LMTK2: variants seen among roughly 807,000 people sequenced by gnomAD.
LMTK2 encodes serine/threonine-protein kinase LMTK2.
A neutral mutation model predicts 127.5 loss-of-function variants in LMTK2; 37 were observed. That is an observed-to-expected ratio of 0.29 (90% CI 0.22 to 0.38). The LOEUF is 0.38. Ranked by LOEUF, LMTK2 falls within the 10% of genes least tolerant of loss-of-function variation. The probability of loss-of-function intolerance (pLI) is 1.00; values close to 1 mark genes in which losing one functional copy is unlikely to be tolerated. For synonymous variants in LMTK2, 819 were observed against 810.1 expected, an observed-to-expected ratio of 1.01 and a Z score of -0.19; for missense variants, 1,694 against 1,920.3, an observed-to-expected ratio of 0.88 and a Z score of 2.20.
chr7:98,154,969 A>G (rs539517479), intron 5 of LMTK2, 93 bp downstream of exon 5: 7 of 730,356 alleles, frequency 9.6e-6, no homozygotes, highest in African/African-American at 5.3e-5. Context: ...TGCCTGTAAC[A>G]TACATGATTA....
chr7:98,184,368 T>C lies in LMTK2; in HGVS notation c.792-683T>C, dbSNP rs149127863. On this transcript the variant is annotated intron_variant, in intron 7 of 13. Transcript: ENST00000297293. Reference sequence around the variant, plus strand: ...TCCTGGTGCTGGCTGTGACCACTTATCATTTTAGAGAGACAGTTTAACAAC... The same window carrying C: ...TCCTGGTGCTGGCTGTGACCACTTACCATTTTAGAGAGACAGTTTAACAAC... Among the ~76,000 whole-genome samples the C allele has an allele frequency of 4.4e-3, 677 of 152,216 alleles. 2 individuals carry two copies. Among genetic ancestry groups the C allele is most frequent in the Non-Finnish European group, 6.6e-3 (450 of 68,020 alleles).
At chr7:98,119,046 A>G (rs977690821) in intron 1 of LMTK2, among the ~76,000 whole-genome samples, 2 of 148,688 alleles carry the variant, frequency 1.3e-5, no homozygotes, top group Non-Finnish European at 3.0e-5. Context: ...GAACCAAGAT[A>G]GTGCCACTGC....
Position 98,192,142 on chromosome 7 carries a change from T to C in LMTK2, c.1677T>C (p.Ser559=). ...SDYYIQLEEK[S]GSNLELDYPP... ...ATTATATCCAGTTAGAAGAAAAAAG[T>C]GGTAGTAACTTGGAGCTTGATTACC... Residue 559 remains serine, a synonymous_variant, in exon 11 of 14, where the codon AGT becomes AGC. Transcript: ENST00000297293. 1.3e-6 allele frequency: 2 copies of C among 1,530,768 alleles called. No homozygotes were observed. The highest frequency in any genetic ancestry group is 1.8e-6 in the Non-Finnish European group (2 of 1,142,454). 94.8% of individuals were successfully genotyped at this position (1,530,768 alleles called of 1,614,324 possible). A position where few individuals can be genotyped will look rare whatever the true frequency, so the allele number is the denominator to read the frequency against.
intron 6 of LMTK2, among the ~76,000 whole-genome samples, chr7:98,164,439 G>C (rs1181420065): frequency 6.6e-6 from 1 of 152,128 alleles, no homozygotes; most frequent in African/African-American, 2.4e-5. Flanking sequence ...TTATCACCTT[G>C]GAAAATCCCT....
intron 9 of LMTK2, among the ~76,000 whole-genome samples, chr7:98,189,159 G>A (rs1332686952): frequency 6.6e-6 from 1 of 152,088 alleles, no homozygotes; most frequent in Non-Finnish European, 1.5e-5. Context: ...AGGACCCCAG[G>A]CGACCCCAGT....
chr7:98,125,372 C>G (rs1796430325), intron 1 of LMTK2, among the ~76,000 whole-genome samples: 1 of 151,802 alleles, frequency 6.6e-6, no homozygotes. Flanking sequence ...TCTGACGTAT[C>G]ATATATTTAC....
chr7:98,112,736 G>A (rs1399152315), intron 1 of LMTK2, among the ~76,000 whole-genome samples: 1 of 152,220 alleles, frequency 6.6e-6, no homozygotes, highest in Non-Finnish European at 1.5e-5. Context: ...TTACAAGGGT[G>A]AGGGAAGTGA....
At chr7:98,169,088 T>G (rs961103904) in intron 6 of LMTK2, among the ~76,000 whole-genome samples, 4 of 152,206 alleles carry the variant, frequency 2.6e-5, no homozygotes, top group Admixed American at 6.5e-5. Flanking sequence ...GTTGATTTTT[T>G]CTTTTAAACT....
rs6971013 is a variant in LMTK2, at chr7:98,204,185, C to T, written c.4482C>T (p.Gly1494=). The T allele has an allele frequency of 4.0e-5, 64 of 1,603,586 alleles. No homozygotes were observed. The highest frequency in any genetic ancestry group is 1.3e-5 in the Non-Finnish European group (15 of 1,179,514). Residue 1494 remains glycine (G), a splice_region_variant and synonymous_variant, in exon 13 of 14, where the codon GGC becomes GGT. Transcript: ENST00000297293. The part of the protein sequence containing the change: ...THLTDSDIEQ[G]GSSEDGEKD ...TGACCGACTCGGACATCGAGCAGGGCGGTGAGAGGCGCTGCGTGCTGGGGA... is the reference window on the plus strand; with the variant it reads ...TGACCGACTCGGACATCGAGCAGGGTGGTGAGAGGCGCTGCGTGCTGGGGA...
rs1562920648 is a variant in LMTK2 at position 98,192,266 on chromosome 7, A to G, written c.1801A>G (p.Ser601Gly). The stretch of plus-strand genomic sequence containing the variant: ...CAGGAGCGTTGAACTTGAGGAGTCC[A>G]GTACAGATGAGGACTTCTTCCAAAG... The part of the protein sequence containing the change: ...ALRSVELEES[S>G]TDEDFFQSST... Residue 601 changes from serine to glycine, a missense_variant, in exon 11 of 14, where the codon AGT becomes GGT. Coordinates refer to ENST00000297293, the MANE Select transcript of LMTK2 (RefSeq NM_014916.4). 1.3e-6 allele frequency: 2 copies of G among 1,530,998 alleles called. No individual in the cohort carries two copies. Among genetic ancestry groups the G allele is most frequent in the Non-Finnish European group, 1.7e-6 (2 of 1,144,692 alleles). 94.8% of individuals were successfully genotyped at this position (1,530,998 alleles called of 1,614,324 possible).
At chr7:98,156,975 C>A (rs187763332) in intron 5 of LMTK2, among the ~76,000 whole-genome samples, 1 of 152,160 alleles carries the variant, frequency 6.6e-6, no homozygotes, top group South Asian at 2.1e-4. Context: ...CCGCTGGGTA[C>A]GGTGCCTCAG....
intron 6 of LMTK2, among the ~76,000 whole-genome samples, chr7:98,165,965 T>C (rs1038719327): frequency 1.3e-5 from 2 of 151,878 alleles, no homozygotes; most frequent in Non-Finnish European, 2.9e-5. Context: ...GGTGATTGGG[T>C]CGGGGGTACG....
At chr7:98,142,503 G>A (rs1345482978) in intron 3 of LMTK2, among the ~76,000 whole-genome samples, 1 of 151,902 alleles carries the variant, frequency 6.6e-6, no homozygotes, top group Non-Finnish European at 1.5e-5. Context: ...TTAAAAGGAG[G>A]TCTAATATAT....
At chr7:98,118,086 A>T in intron 1 of LMTK2, among the ~76,000 whole-genome samples, 1 of 151,970 alleles carries the variant, frequency 6.6e-6, no homozygotes, top group East Asian at 1.9e-4. Flanking sequence ...GGTTGTGGGG[A>T]GGGGAGGAGA....
At chr7:98,133,386 A>G (rs1364572596) in intron 1 of LMTK2, among the ~76,000 whole-genome samples, 2 of 150,800 alleles carry the variant, frequency 1.3e-5, no homozygotes, top group African/African-American at 4.9e-5. Context: ...TAGGGATTTT[A>G]TTTGTGGTTC....
rs1424085985 is a variant in LMTK2 at position 98,187,615 on chromosome 7, TG to T, written c.998+618del. 3.9e-4 allele frequency among the ~76,000 whole-genome samples: 60 copies of T among 152,020 alleles called. 1 individual carries two copies. The highest frequency in any genetic ancestry group is 1.1e-3 in the African/African-American group (46 of 41,396). On this transcript the variant is annotated intron_variant, in intron 9 of 13. Transcript: ENST00000297293. ...ATGTTTTTGTTGTTGTTGTTGTTGT[TG>T]TTGTTTTGAGATAGAGTCTCACTGT...
Position 98,191,949 on chromosome 7 carries a change from A to C in LMTK2, c.1484A>C (p.Asp495Ala). The part of the protein sequence containing the change: ...HFDERSRGHL[D>A]EGLSYTSIFY... Reference sequence around the variant, plus strand: ...GACGAGCGCAGCCGGGGCCACCTGGACGAAGGCTTGTCCTACACGAGCATC... The same window carrying C: ...GACGAGCGCAGCCGGGGCCACCTGGCCGAAGGCTTGTCCTACACGAGCATC... The change falls in exon 11 of 14, where the codon GAC (aspartate) becomes GCC (alanine). Residue 495 changes from aspartate to alanine, a missense_variant. Asp to Ala is a moderately radical substitution (Grantham distance 126, BLOSUM62 -2). Around this residue, in one of 8 missense-constraint regions of LMTK2, gnomAD observed 216 missense variants for 266.8 expected, o/e 0.81. Transcript: ENST00000297293. 1 of 1,614,066 alleles carries C rather than the reference A, an allele frequency of 6.2e-7. No individual in the cohort carries two copies.
At chr7:98,182,210 T>G (rs1266390377) in intron 7 of LMTK2, among the ~76,000 whole-genome samples, 1 of 152,202 alleles carries the variant, frequency 6.6e-6, no homozygotes, top group Non-Finnish European at 1.5e-5. Flanking sequence ...TTATTGGGTA[T>G]GACATCAAAG....
intron 1 of LMTK2, among the ~76,000 whole-genome samples, chr7:98,132,274 G>A (rs920093955): frequency 2.0e-5 from 3 of 151,524 alleles, no homozygotes; most frequent in Middle Eastern, 3.4e-3. Context: ...TTTTTGAGAC[G>A]GAGTCTCACT....
Sources: allele counts gnomAD v4.1 joint callset (sites outside exome capture counted in the v4.1 genomes callset), GRCh38; gene constraint gnomAD v4.1.1; regional missense constraint gnomAD v4.1.1; transcripts MANE v1.5; gene names NCBI Gene and HGNC (gene_info 2026-07-23, HGNC 2026-07-21).